Variants in LSM14A observed in about 807,000 individuals in gnomAD.
LSM14A encodes protein LSM14 homolog A.
In LSM14A, 14 loss-of-function variants were observed where a neutral mutation model predicts 52.4. That is an observed-to-expected ratio of 0.27 (90% CI 0.18 to 0.42). The LOEUF (loss-of-function observed/expected upper bound fraction) is 0.42. Ranked by LOEUF, LSM14A falls within the 10% of genes least tolerant of loss-of-function variation. The pLI is 1.00. For missense variants in LSM14A, 417 were observed against 581.8 expected (o/e 0.72, Z 2.91); for synonymous variants, 185 against 200.3 (o/e 0.92, Z 0.64).
intron 3 of LSM14A, among the ~76,000 whole-genome samples, chr19:34,199,698 C>T (rs1290679445): frequency 6.6e-6 from 1 of 152,112 alleles, no homozygotes; most frequent in African/African-American, 2.4e-5. Flanking sequence ...GTAGACTCAG[C>T]TCTTAGTTTC....
At chr19:34,180,700 C>T (rs923787331) in intron 1 of LSM14A, among the ~76,000 whole-genome samples, 1 of 152,178 alleles carries the variant, frequency 6.6e-6, no homozygotes, top group South Asian at 2.1e-4. Flanking sequence ...CCTGCTTCAA[C>T]TCCATGAGCA....
chr19:34,182,856 A>T (rs1204090673), intron 1 of LSM14A, among the ~76,000 whole-genome samples: 1 of 150,404 alleles, frequency 6.6e-6, no homozygotes, highest in Non-Finnish European at 1.5e-5. Flanking sequence ...AAAAAAAAAA[A>T]GAGTCAACTC....
At chr19:34,214,952 A>G (rs2072466295) in intron 4 of LSM14A, among the ~76,000 whole-genome samples, 172 bp from the exon 5 acceptor site, 1 of 151,930 alleles carries the variant, frequency 6.6e-6, no homozygotes, top group Non-Finnish European at 1.5e-5. Context: ...TAACCTAATG[A>G]CAAGCCCACT....
At chr19:34,192,671 T>C (rs1373183288) in intron 1 of LSM14A, among the ~76,000 whole-genome samples, 1 of 100,272 alleles carries the variant, frequency 1.0e-5, no homozygotes, top group Non-Finnish European at 2.0e-5. Flanking sequence ...AAAAAAAGCG[T>C]ATGCATTAAA....
chr19:34,204,901 A>G (rs889623183), intron 3 of LSM14A, among the ~76,000 whole-genome samples: 4 of 151,452 alleles, frequency 2.6e-5, no homozygotes, highest in African/African-American at 9.7e-5. Context: ...GGAGGCTGAG[A>G]TGGGCAGATC....
intron 3 of LSM14A, among the ~76,000 whole-genome samples, chr19:34,199,706 T>C (rs915358715): frequency 2.0e-5 from 3 of 152,118 alleles, no homozygotes; most frequent in African/African-American, 7.2e-5. Context: ...AGCTCTTAGT[T>C]TCTAAATACC....
chr19:34,193,410 C>T (rs947795524), intron 1 of LSM14A, among the ~76,000 whole-genome samples: 5 of 152,210 alleles, frequency 3.3e-5, no homozygotes, highest in African/African-American at 1.2e-4. Flanking sequence ...GTCCTCCCAC[C>T]TTGGCCTCCC....
chr19:34,227,697 G>T lies in LSM14A; in HGVS notation c.*309G>T. ...ACTTAACAAGTATTTTTTCATCACTGAAAGGTTTTTTTTTTTTATCACTAA... is the reference window on the plus strand; with the variant it reads ...ACTTAACAAGTATTTTTTCATCACTTAAAGGTTTTTTTTTTTTATCACTAA... On this transcript the variant is annotated 3_prime_UTR_variant, in exon 10 of 10. Transcript: ENST00000544216. 3.4e-6 allele frequency: 1 copy of T among 290,844 alleles called. No individual in the cohort carries two copies. The highest frequency in any genetic ancestry group is 5.2e-5 in the Admixed American group (1 of 19,148). 18.0% of individuals were successfully genotyped at this position (290,844 alleles called of 1,614,324 possible).
chr19:34,206,038 T>C (rs1244962510), intron 3 of LSM14A, among the ~76,000 whole-genome samples: 1 of 152,110 alleles, frequency 6.6e-6, no homozygotes, highest in South Asian at 2.1e-4. Flanking sequence ...TGGGCAAATT[T>C]CTTGAAAAAT....
At chr19:34,185,496 T>A (rs146568054) in intron 1 of LSM14A, among the ~76,000 whole-genome samples, 3,671 of 152,184 alleles carry the variant, frequency 0.024, 61 homozygotes, top group Non-Finnish European at 0.035. Flanking sequence ...AGTGAGAGTT[T>A]GTGGAAGCAG....
intron 1 of LSM14A, among the ~76,000 whole-genome samples, chr19:34,175,631 CATG>C (rs2069030007): frequency 6.6e-6 from 1 of 152,192 alleles, no homozygotes; most frequent in Non-Finnish European, 1.5e-5. Context: ...TATTAGTCTA[CATG>C]ATATTATCTA....
rs1345168634 is a variant in LSM14A at position 34,229,082 on chromosome 19, C to T, written c.*1694C>T. 2 of 152,076 alleles carry T rather than the reference C, an allele frequency of 1.3e-5. No homozygotes were observed. The highest frequency in any genetic ancestry group is 2.9e-5 in the Non-Finnish European group (2 of 68,020). The allele number at this position is 152,076 out of a possible 1,614,324, so 9.4% of individuals were successfully genotyped here. A position where few individuals can be genotyped will look rare whatever the true frequency, so the allele number is the denominator to read the frequency against. ...CATGTGTAGACTGTTGGAGATGTCC[C>T]GGGCCAATTTCAAGAAAGAAAACTG... On this transcript the variant is annotated 3_prime_UTR_variant, in exon 10 of 10. Transcript: ENST00000544216.
chr19:34,216,222 G>A (rs1213563717), intron 6 of LSM14A, among the ~76,000 whole-genome samples: 1 of 152,040 alleles, frequency 6.6e-6, no homozygotes, highest in Admixed American at 6.6e-5. Flanking sequence ...GACCAGCCTG[G>A]CTAACATGGT....
intron 1 of LSM14A, among the ~76,000 whole-genome samples, chr19:34,187,524 A>G (rs2070016247): frequency 6.6e-6 from 1 of 152,148 alleles, no homozygotes; most frequent in Non-Finnish European, 1.5e-5. Context: ...TCCCAACCTC[A>G]GGTGATCTGC....
At chr19:34,175,287 G>A (rs1389403673) in intron 1 of LSM14A, among the ~76,000 whole-genome samples, 1 of 151,624 alleles carries the variant, frequency 6.6e-6, no homozygotes, top group Non-Finnish European at 1.5e-5. Context: ...CCGGAGTGCA[G>A]TGGCACAATC....
intron 3 of LSM14A, among the ~76,000 whole-genome samples, chr19:34,197,431 C>CTTTTTTTTTTTTTTTTT (rs531343486): frequency 1.7e-4 from 11 of 63,296 alleles, no homozygotes; most frequent in East Asian, 4.2e-4. Context: ...ATTTCTTTTT[C>CTTTTTTTTTTTTTTTTT]TTTTTTTTTT....
chr19:34,203,442 G>A (rs1229523293), intron 3 of LSM14A, among the ~76,000 whole-genome samples: 4 of 152,086 alleles, frequency 2.6e-5, no homozygotes, highest in East Asian at 1.9e-4. Flanking sequence ...AGATGCTTAC[G>A]AACTTTACAG....
chr19:34,185,928 A>G (rs576242860), intron 1 of LSM14A, among the ~76,000 whole-genome samples: 15 of 152,338 alleles, frequency 9.8e-5, no homozygotes, highest in African/African-American at 3.4e-4. Flanking sequence ...CATTCTATCA[A>G]CATCAGTTGT....
chr19:34,175,864 T>G (rs1420840812), intron 1 of LSM14A, among the ~76,000 whole-genome samples: 1 of 150,838 alleles, frequency 6.6e-6, no homozygotes, highest in East Asian at 1.9e-4. Context: ...CGTTTTTTTT[T>G]GTTGTTGTTT....
Sources: gnomAD v4.1 joint callset for allele counts (sites outside exome capture counted in the v4.1 genomes callset) on GRCh38, gnomAD v4.1.1 for gene constraint, MANE v1.5 for transcripts, NCBI Gene and HGNC (gene_info 2026-07-23, HGNC 2026-07-21) for gene names.